The following LRRC69 variants were observed in gnomAD, a reference collection of about 807,000 sequenced individuals.
LRRC69 encodes the protein leucine rich repeat containing 69.
Under a neutral mutation model 37.8 loss-of-function variants are expected in LRRC69, and 42 were observed. That is an observed-to-expected ratio of 1.11 (90% CI 0.87 to 1.44). The LOEUF is 1.44. LRRC69 is among the 40% of genes most tolerant of loss of function. The probability of loss-of-function intolerance (pLI) is 0.00; values close to 1 mark genes in which losing one functional copy is unlikely to be tolerated. For synonymous variants in LRRC69, 141 were observed against 143.1 expected (o/e 0.99, Z 0.11); for missense variants, 357 against 401.9 (o/e 0.89, Z 0.96).
chr8:91,217,943 T>C (rs1810084007), intron 7 of LRRC69, among the ~76,000 whole-genome samples: 1 of 152,138 alleles, frequency 6.6e-6, no homozygotes, highest in African/African-American at 2.4e-5. Flanking sequence ...GAAGGGGATG[T>C]GACTTATGAC....
At chr8:91,112,432 A>G (rs1813424492) in intron 1 of LRRC69, among the ~76,000 whole-genome samples, 1 of 152,064 alleles carries the variant, frequency 6.6e-6, no homozygotes, top group African/African-American at 2.4e-5. Flanking sequence ...AAGGACCCCA[A>G]TATATGCAAA....
chr8:91,208,805 A>G (rs562512592), intron 7 of LRRC69, among the ~76,000 whole-genome samples: 2 of 152,190 alleles, frequency 1.3e-5, no homozygotes, highest in South Asian at 4.1e-4. Flanking sequence ...CTGGTGTGTG[A>G]TCTTCCTATC....
At chr8:91,215,444 A>G (rs575349755) in intron 7 of LRRC69, among the ~76,000 whole-genome samples, 2 of 152,284 alleles carry the variant, frequency 1.3e-5, no homozygotes, top group Non-Finnish European at 2.9e-5. Flanking sequence ...AAATTTCTCA[A>G]TTCTACCATT....
chr8:91,177,259 G>T (rs951922290), intron 5 of LRRC69, among the ~76,000 whole-genome samples: 7 of 151,972 alleles, frequency 4.6e-5, no homozygotes, highest in Admixed American at 3.9e-4. Context: ...TTCTAAAAAG[G>T]GTAAATGTTA....
chr8:91,164,171 C>G lies in LRRC69; in HGVS notation c.652-25351C>G, dbSNP rs117511777. On this transcript the variant is annotated intron_variant, in intron 5 of 7. Transcript: ENST00000448384. Reference sequence around the variant, plus strand: ...CTTTCTCTTGTTTTTTCTCCAAGTGCCCATATACAGAAAATCACATTGTAA... The same window carrying G: ...CTTTCTCTTGTTTTTTCTCCAAGTGGCCATATACAGAAAATCACATTGTAA... 6.2e-3 allele frequency among the ~76,000 whole-genome samples: 937 copies of G among 151,524 alleles called. 13 individuals carry two copies. Among genetic ancestry groups the G allele is most frequent in the Non-Finnish European group, 8.5e-3 (579 of 67,788 alleles).
intron 7 of LRRC69, among the ~76,000 whole-genome samples, chr8:91,218,355 A>AAAAAGTGAG (rs60094350): frequency 1.3e-5 from 2 of 151,928 alleles, no homozygotes; most frequent in Non-Finnish European, 2.9e-5. Context: ...ATTTTGTACA[A>AAAAAGTGAG]ATTATTTTGA....
chr8:91,158,651 A>T (rs748042726), intron 5 of LRRC69: 1 of 1,374,236 alleles, frequency 7.3e-7, no homozygotes, highest in Non-Finnish European at 1.0e-6. Context: ...TTCCAAGAAC[A>T]CCTGGAATTT....
chr8:91,127,815 C>T (rs745329391), intron 3 of LRRC69, among the ~76,000 whole-genome samples: 2 of 151,854 alleles, frequency 1.3e-5, no homozygotes, highest in Non-Finnish European at 2.9e-5. Context: ...ACAGATGTGT[C>T]ACAGAGCAAG....
At chr8:91,211,616 A>ATATATATT (rs1554597817) in intron 7 of LRRC69, among the ~76,000 whole-genome samples, 1 of 137,530 alleles carries the variant, frequency 7.3e-6, no homozygotes, top group East Asian at 2.0e-4. Flanking sequence ...ATATATATAT[A>ATATATATT]TTTTTTTTTT....
At chr8:91,178,145 G>A (rs1395838390) in intron 5 of LRRC69, among the ~76,000 whole-genome samples, 1 of 152,154 alleles carries the variant, frequency 6.6e-6, no homozygotes, top group East Asian at 1.9e-4. Flanking sequence ...ACTGCGCCCG[G>A]CCTGTTTTCT....
chr8:91,142,635 G>T (rs1808550069), intron 5 of LRRC69, among the ~76,000 whole-genome samples: 1 of 151,966 alleles, frequency 6.6e-6, no homozygotes, highest in Admixed American at 6.6e-5. Flanking sequence ...GTAGGCTGGG[G>T]ATCCCACAGG....
chr8:91,195,883 CATG>C (rs1809589164), intron 6 of LRRC69, among the ~76,000 whole-genome samples: 1 of 152,044 alleles, frequency 6.6e-6, no homozygotes, highest in South Asian at 2.1e-4. Context: ...TTGATCCTGT[CATG>C]ATGATGTTAG....
chr8:91,116,810 T>A (rs1291062868), intron 1 of LRRC69, among the ~76,000 whole-genome samples: 7 of 152,032 alleles, frequency 4.6e-5, no homozygotes, highest in Admixed American at 4.6e-4. Flanking sequence ...TTAAATTTAA[T>A]TTAAGTATTG....
At chr8:91,134,739 A>G (rs531735053) in intron 4 of LRRC69, among the ~76,000 whole-genome samples, 10 of 152,182 alleles carry the variant, frequency 6.6e-5, no homozygotes, top group African/African-American at 2.4e-4. Flanking sequence ...ATGGAACATC[A>G]TTTGTTCCAA....
intron 5 of LRRC69, among the ~76,000 whole-genome samples, chr8:91,150,636 A>C (rs554422916): frequency 6.6e-6 from 1 of 151,920 alleles, no homozygotes; most frequent in African/African-American, 2.4e-5. Flanking sequence ...TTTTCTACTG[A>C]TTGGAATAGT....
chr8:91,127,389 A>T (rs1170890837), intron 3 of LRRC69, among the ~76,000 whole-genome samples: 1 of 151,906 alleles, frequency 6.6e-6, no homozygotes. Context: ...GGGCTTTGAA[A>T]CATAAAGTTC....
intron 3 of LRRC69, among the ~76,000 whole-genome samples, chr8:91,128,541 T>C (rs937585063): frequency 2.0e-5 from 3 of 152,048 alleles, no homozygotes; most frequent in Admixed American, 6.6e-5. Flanking sequence ...ATTCCATTTC[T>C]GAGCCTGGGA....
chr8:91,152,697 G>T (rs1369249455), intron 5 of LRRC69, among the ~76,000 whole-genome samples: 1 of 151,326 alleles, frequency 6.6e-6, no homozygotes, highest in African/African-American at 2.4e-5. Flanking sequence ...GTATAGCATT[G>T]AATCTATAAA....
intron 5 of LRRC69, among the ~76,000 whole-genome samples, chr8:91,167,861 T>C (rs757653967): frequency 3.3e-5 from 5 of 151,958 alleles, no homozygotes; most frequent in Non-Finnish European, 7.4e-5. Flanking sequence ...GTTCCCTTTT[T>C]GGTGATAGAA....
Sources: gnomAD v4.1 joint callset for allele counts (sites outside exome capture counted in the v4.1 genomes callset) on GRCh38, gnomAD v4.1.1 for gene constraint, MANE v1.5 for transcripts, NCBI Gene and HGNC (gene_info 2026-07-23, HGNC 2026-07-21) for gene names.